The following HIPK3 variants were observed in gnomAD, a reference collection of about 807,000 sequenced individuals.
HIPK3 encodes the protein homeodomain-interacting protein kinase 3.
HIPK3 carries 47 observed loss-of-function variants against 124.2 expected under a neutral mutation model. The observed-to-expected ratio is 0.38, with a 90% CI of 0.30 to 0.48. HIPK3 has a LOEUF of 0.48. HIPK3 is among the 20% of genes least tolerant of loss of function. HIPK3 has a pLI of 0.98. For missense variants in HIPK3, 1,286 were observed against 1,454.3 expected, an observed-to-expected ratio of 0.88 and a Z score of 1.88; for synonymous variants, 482 against 515.2, an observed-to-expected ratio of 0.94 and a Z score of 0.87.
chr11:33,259,259 C>G (rs909727843), intron 1 of HIPK3, among the ~76,000 whole-genome samples: 1 of 152,080 alleles, frequency 6.6e-6, no homozygotes, highest in Non-Finnish European at 1.5e-5. Context: ...TGAGCCGTAA[C>G]GGTGGTTACT....
chr11:33,330,724 G>A (rs1348596659), intron 3 of HIPK3, among the ~76,000 whole-genome samples: 1 of 151,758 alleles, frequency 6.6e-6, no homozygotes, highest in African/African-American at 2.4e-5. Context: ...CCCTAATCTG[G>A]GACTTTAAGC....
chr11:33,282,485 C>T (rs1851436692), intron 1 of HIPK3, among the ~76,000 whole-genome samples: 1 of 152,138 alleles, frequency 6.6e-6, no homozygotes, highest in South Asian at 2.1e-4. Flanking sequence ...AGTTCGAGAC[C>T]AGCTTGGCCA....
At chr11:33,308,208 G>A (rs1039562888) in intron 2 of HIPK3, among the ~76,000 whole-genome samples, 2 of 152,144 alleles carry the variant, frequency 1.3e-5, no homozygotes, top group African/African-American at 4.8e-5. Flanking sequence ...CCATATTCAT[G>A]AATCAGATGA....
rs569112345 is a variant in HIPK3 at position 33,352,322 on chromosome 11, T to G, written c.3171+57T>G. On this transcript the variant is annotated intron_variant, in intron 16 of 16. Coordinates refer to ENST00000303296, the MANE Select transcript of HIPK3 (RefSeq NM_005734.5). ...TGGGATTCAAATTTAGCAGTTGTTT[T>G]TCACGTGGAGGAGAAAGCTTCTGAA... 3.2e-4 allele frequency: 507 copies of G among 1,577,062 alleles called. 1 individual carries two copies. The highest frequency in any genetic ancestry group is 6.7e-4 in the Middle Eastern group (4 of 5,926).
At chr11:33,308,752 T>TTG (rs1167829625) in intron 2 of HIPK3, among the ~76,000 whole-genome samples, 1 of 151,356 alleles carries the variant, frequency 6.6e-6, no homozygotes, top group Non-Finnish European at 1.5e-5. Context: ...CTTTTTTTTT[T>TTG]TTTTTAACAT....
intron 1 of HIPK3, among the ~76,000 whole-genome samples, chr11:33,281,308 G>A (rs1419626642): frequency 2.0e-5 from 3 of 151,980 alleles, no homozygotes; most frequent in East Asian, 3.9e-4. Context: ...AAAAATATAA[G>A]CGTATTCAAA....
intron 1 of HIPK3, among the ~76,000 whole-genome samples, chr11:33,266,242 T>C (rs1227901596): frequency 1.3e-5 from 2 of 151,848 alleles, no homozygotes; most frequent in Non-Finnish European, 2.9e-5. Flanking sequence ...TATGTGCACC[T>C]AAGTTAGAAA....
In HIPK3 at chr11:33,286,597, T is replaced by C; in HGVS notation, c.183T>C (p.Ala61=). 6.2e-7 allele frequency: 1 copy of C among 1,614,140 alleles called. No homozygotes were observed. Among genetic ancestry groups the C allele is most frequent in the Middle Eastern group, 1.6e-4 (1 of 6,062 alleles). ...GNSHPPTKGS[A]FQTKIPFNRP... ...CTCATCCTCCCACTAAGGGTAGTGC[T>C]TTTCAGACAAAGATACCATTTAATA... Residue 61 remains alanine (A), a synonymous_variant, in exon 2 of 17, where the codon GCT becomes GCC. Coordinates refer to ENST00000303296, the MANE Select transcript of HIPK3 (RefSeq NM_005734.5).
At chr11:33,333,779 A>G (rs1853058428) in intron 3 of HIPK3, among the ~76,000 whole-genome samples, 1 of 152,142 alleles carries the variant, frequency 6.6e-6, no homozygotes, top group Admixed American at 6.5e-5. Context: ...TCTTCTTCAC[A>G]ATGGCTTACT....
chr11:33,283,697 C>T (rs955492487), intron 1 of HIPK3, among the ~76,000 whole-genome samples: 22 of 150,014 alleles, frequency 1.5e-4, no homozygotes, highest in Non-Finnish European at 8.9e-5. Context: ...CTTTTGGAGA[C>T]GGAGCCTCGC....
chr11:33,282,147 G>T (rs903419393), intron 1 of HIPK3, among the ~76,000 whole-genome samples: 1 of 152,188 alleles, frequency 6.6e-6, no homozygotes, highest in Admixed American at 6.5e-5. Context: ...ACTTTGGGAG[G>T]CCAAGTCAGG....
intron 12 of HIPK3, 30 bp downstream of exon 12, chr11:33,348,258 T>G: frequency 6.3e-7 from 1 of 1,584,564 alleles, no homozygotes; most frequent in Non-Finnish European, 8.7e-7. Flanking sequence ...CCTTTTGATT[T>G]ATTATCTACC....
chr11:33,290,731 T>C (rs567279030), intron 2 of HIPK3, among the ~76,000 whole-genome samples: 2 of 152,152 alleles, frequency 1.3e-5, no homozygotes, highest in East Asian at 1.9e-4. Flanking sequence ...TCTAAAATGC[T>C]GAATATTTTA....
chr11:33,295,565 T>C (rs912842754), intron 2 of HIPK3, among the ~76,000 whole-genome samples: 1 of 152,260 alleles, frequency 6.6e-6, no homozygotes, highest in Admixed American at 6.5e-5. Flanking sequence ...CTCGTTCACA[T>C]AGTACCCAGG....
intron 2 of HIPK3, among the ~76,000 whole-genome samples, chr11:33,301,571 C>A (rs1851999006): frequency 6.6e-6 from 1 of 150,768 alleles, no homozygotes; most frequent in Non-Finnish European, 1.5e-5. Flanking sequence ...TTGCCTGAGC[C>A]CAGGAGTTCA....
intron 1 of HIPK3, among the ~76,000 whole-genome samples, chr11:33,284,935 A>G (rs1313747370): frequency 6.6e-6 from 1 of 152,198 alleles, no homozygotes; most frequent in Non-Finnish European, 1.5e-5. Flanking sequence ...TAGCTATGGT[A>G]CTGAGGATTC....
chr11:33,308,745 T>C (rs1397309349), intron 2 of HIPK3, among the ~76,000 whole-genome samples: 1 of 151,020 alleles, frequency 6.6e-6, no homozygotes, highest in Non-Finnish European at 1.5e-5. Context: ...CTTTTAACTT[T>C]TTTTTTTTTT....
At position 33,341,177 on chromosome 11, in the gene HIPK3, G is replaced by A. The variant is rs266470; in HGVS notation, c.1773+50G>A. 983 of 1,325,204 alleles carry A rather than the reference G, an allele frequency of 7.4e-4. 2 individuals are homozygous for A. The highest frequency in any genetic ancestry group is 9.5e-4 in the Non-Finnish European group (909 of 961,028). 82.1% of individuals were successfully genotyped at this position (1,325,204 alleles called of 1,614,324 possible). ...CTTAGGGTCTTTTTTTAATGATTGC[G>A]CATTTTACTTTTGATATATACAGAA... is the stretch of plus-strand genomic sequence containing the variant. On this transcript the variant is annotated intron_variant, in intron 7 of 16. Coordinates refer to ENST00000303296, the MANE Select transcript of HIPK3 (RefSeq NM_005734.5).
chr11:33,325,267 A>G (rs1450343033), intron 2 of HIPK3, among the ~76,000 whole-genome samples: 1 of 152,230 alleles, frequency 6.6e-6, no homozygotes, highest in African/African-American at 2.4e-5. Flanking sequence ...TTTAAGTGGT[A>G]TATCTTAGGT....
Sources: gnomAD v4.1 joint callset for allele counts (sites outside exome capture counted in the v4.1 genomes callset) on GRCh38, gnomAD v4.1.1 for gene constraint, MANE v1.5 for transcripts, NCBI Gene and HGNC (gene_info 2026-07-23, HGNC 2026-07-21) for gene names.